GAK: variants seen among roughly 807,000 people sequenced by gnomAD.
GAK encodes cyclin G associated kinase.
GAK carries 79 observed loss-of-function variants against 143.9 expected under a neutral mutation model. The observed-to-expected ratio is 0.55, with a 90% confidence interval of 0.46 to 0.66. The LOEUF (loss-of-function observed/expected upper bound fraction) is 0.66, where lower values mean the gene tolerates loss of function less well. GAK is among the 30% of genes least tolerant of loss of function. The pLI is 0.00. For missense variants in GAK, 1,693 were observed against 1,779.7 expected, an observed-to-expected ratio of 0.95 and a Z score of 0.88; for synonymous variants, 881 against 765.5, an observed-to-expected ratio of 1.15 and a Z score of -2.49.
intron 3 of GAK, 76 bp from the exon 4 acceptor site, chr4:911,863 A>G: frequency 9.1e-7 from 1 of 1,093,104 alleles, no homozygotes; most frequent in Middle Eastern, 2.0e-4. Context: ...AATGTAGACA[A>G]TATTAACACA....
At chr4:858,766 G>A (rs1473385256) in intron 24 of GAK, among the ~76,000 whole-genome samples, 1 of 152,212 alleles carries the variant, frequency 6.6e-6, no homozygotes, top group Non-Finnish European at 1.5e-5. Context: ...GCCAGCCCTA[G>A]AGATCCAACG....
At chr4:889,667 G>A (rs985140711) in intron 10 of GAK, among the ~76,000 whole-genome samples, 3 of 152,218 alleles carry the variant, frequency 2.0e-5, no homozygotes, top group Non-Finnish European at 4.4e-5. Context: ...GGAAGCGGAG[G>A]TGAAGGACCC....
rs1049844592 is a variant in GAK at position 927,841 on chromosome 4, G to A, written c.145+4202C>T. On this transcript the variant is annotated intron_variant, in intron 1 of 27. Coordinates refer to ENST00000314167, the MANE Select transcript of GAK (RefSeq NM_005255.4). Reference sequence around the variant, plus strand: ...GCCCCGCACCCCTCCCTGGGTGAGCGCAGCCACCGCACTTCAGGCTCTGGG... The same window carrying A: ...GCCCCGCACCCCTCCCTGGGTGAGCACAGCCACCGCACTTCAGGCTCTGGG... Among the ~76,000 whole-genome samples, 21 of 152,098 alleles carry A rather than the reference G, an allele frequency of 1.4e-4. 1 individual carries two copies. Among genetic ancestry groups the A allele is most frequent in the Admixed American group, 1.0e-3 (16 of 15,278 alleles).
Position 879,178 on chromosome 4 carries a change from T to C in GAK, c.1662-1369A>G, listed in dbSNP as rs1714587234. The stretch of plus-strand genomic sequence containing the variant: ...CCCGAGTGTGTTGTGTCGGGTCATG[T>C]AGCAATGACTAGTACGCTCTTCCCC... On this transcript the variant is annotated intron_variant, in intron 15 of 27. Coordinates refer to ENST00000314167, the MANE Select transcript of GAK (RefSeq NM_005255.4). 2.0e-5 allele frequency among the ~76,000 whole-genome samples: 3 copies of C among 152,200 alleles called. No homozygotes were observed. In the South Asian group the frequency reaches 6.2e-4, roughly 32 times the overall value.
intron 11 of GAK, chr4:887,163 C>T (rs573839201): frequency 1.3e-5 from 2 of 151,534 alleles, no homozygotes; most frequent in South Asian, 2.1e-4. Flanking sequence ...GCACGCGGCT[C>T]ACGCGCACAC....
At chr4:891,581 A>G (rs898572822) in intron 9 of GAK, among the ~76,000 whole-genome samples, 3 of 152,072 alleles carry the variant, frequency 2.0e-5, no homozygotes, top group African/African-American at 7.2e-5. Context: ...GCCTAGAAGC[A>G]CTCAGATGAG....
At chr4:902,266 C>T (rs900261470) in intron 5 of GAK, among the ~76,000 whole-genome samples, 6 of 150,398 alleles carry the variant, frequency 4.0e-5, no homozygotes, top group East Asian at 2.0e-4. Flanking sequence ...AATGTCCTCA[C>T]GTCCCCAGAG....
At chr4:867,456 A>T (rs1408913249) in intron 20 of GAK, 24 bp from the exon 21 acceptor site, 1 of 1,493,282 alleles carries the variant, frequency 6.7e-7, no homozygotes, top group African/African-American at 1.4e-5. Context: ...ACAAAACCAC[A>T]GGCTAGTGAG....
Position 851,070 on chromosome 4 carries a change from CT to C in GAK, c.3522del (p.Val1175SerfsTer30), listed in dbSNP as rs1333360549. 1 of 1,613,484 alleles carries C rather than the reference CT, an allele frequency of 6.2e-7. No individual in the cohort carries two copies. The highest frequency in any genetic ancestry group is 1.3e-5 in the African/African-American group (1 of 74,874). ...AGATCTTCAAAGTCGTTCTCAGAGA[CT>C]TTTGGCTTTTGAGCTAGAAAAGAAC... The part of the protein sequence containing the change: ...VRAPSFAQKP[K>X]VSENDFEDLL... On this transcript the variant is annotated frameshift_variant, in exon 26 of 28. Coordinates refer to ENST00000314167, the MANE Select transcript of GAK (RefSeq NM_005255.4). LOFTEE classifies it high-confidence loss of function.
chr4:904,582 CGA>C, intron 5 of GAK, 53 bp downstream of exon 5: 1 of 1,500,776 alleles, frequency 6.7e-7, no homozygotes, highest in East Asian at 2.4e-5. Context: ...GGCTCCTAAC[CGA>C]GTGGGACCCG....
Position 932,290 on chromosome 4 carries a change from A to G in GAK, c.-103T>C, listed in dbSNP as rs905487089. The G allele has an allele frequency of 2.2e-5, 30 of 1,391,918 alleles. No homozygotes were observed. Among genetic ancestry groups the G allele is most frequent in the Non-Finnish European group, 2.7e-5 (29 of 1,081,294 alleles). The allele number at this position is 1,391,918 out of a possible 1,614,324, so 86.2% of individuals were successfully genotyped here. A position where few individuals can be genotyped will look rare whatever the true frequency, so the allele number is the denominator to read the frequency against. On this transcript the variant is annotated 5_prime_UTR_variant, in exon 1 of 28. Coordinates refer to ENST00000314167, the MANE Select transcript of GAK (RefSeq NM_005255.4). This position sits in a 1 kb window ranked among gnomAD's most constrained non-coding sequence, Gnocchi z 4.0. ...TCAGCAACCGCCGGCCCGGAGGTGC[A>G]CCATCTTCCGCCTCGACGCCGTGAC...
chr4:881,766 T>G, intron 15 of GAK, 141 bp downstream of exon 15: 1 of 1,062,212 alleles, frequency 9.4e-7, no homozygotes, highest in Non-Finnish European at 1.3e-6. Flanking sequence ...GGCTCAGCCA[T>G]GGCTCCGCGA....
At chr4:889,113 G>T in intron 10 of GAK, 143 bp from the exon 11 acceptor site, 3 of 1,084,420 alleles carry the variant, frequency 2.8e-6, no homozygotes, top group Admixed American at 2.8e-5. Flanking sequence ...CAGGTTGCTG[G>T]CTGGGCCCAG....
intron 24 of GAK, among the ~76,000 whole-genome samples, chr4:857,909 T>C (rs1749576765): frequency 6.6e-6 from 1 of 152,246 alleles, no homozygotes; most frequent in Non-Finnish European, 1.5e-5. Context: ...GTCTCCACAC[T>C]GCCTGATGGG....
At chr4:868,121 C>T (rs1262664371) in intron 20 of GAK, among the ~76,000 whole-genome samples, 1 of 150,292 alleles carries the variant, frequency 6.7e-6, no homozygotes. Flanking sequence ...CAGGTGTTTT[C>T]CTGAAAAGCC....
intron 20 of GAK, among the ~76,000 whole-genome samples, 182 bp from the exon 21 acceptor site, chr4:867,614 G>A (rs1157287110): frequency 4.2e-5 from 6 of 144,220 alleles, no homozygotes; most frequent in African/African-American, 1.3e-4. Context: ...GTGAACACAC[G>A]TGGCCAGCAC....
chr4:861,950 C>T (rs569740458), intron 23 of GAK, among the ~76,000 whole-genome samples: 25 of 152,368 alleles, frequency 1.6e-4, no homozygotes, highest in Non-Finnish European at 2.9e-4. Context: ...CCAGCAGGGG[C>T]TGAGGCTGAA....
At chr4:901,098 T>G (rs1719784589) in intron 5 of GAK, among the ~76,000 whole-genome samples, 1 of 152,008 alleles carries the variant, frequency 6.6e-6, no homozygotes, top group Non-Finnish European at 1.5e-5. Context: ...AAAGTAGGAG[T>G]GTACAGCCAA....
chr4:890,726 G>T, intron 9 of GAK, 104 bp from the exon 10 acceptor site: 1 of 870,940 alleles, frequency 1.1e-6, no homozygotes, highest in Non-Finnish European at 1.8e-6. Flanking sequence ...CCATCCTTCT[G>T]CCCCCTGATC....
Sources: gnomAD v4.1 joint callset for allele counts (sites outside exome capture counted in the v4.1 genomes callset) on GRCh38, gnomAD v4.1.1 for gene constraint, Gnocchi (gnomAD v3.1) non-coding constraint, MANE v1.5 for transcripts, NCBI Gene and HGNC (gene_info 2026-07-23, HGNC 2026-07-21) for gene names.